The following TAFA1 variants were observed in gnomAD, a reference collection of about 807,000 sequenced individuals.
The protein encoded by TAFA1 is TAFA chemokine like family member 1, also known as chemokine-like protein TAFA-1.
In TAFA1, 4 loss-of-function variants were observed where a neutral mutation model predicts 18.5. That is an observed-to-expected ratio of 0.22 (90% CI 0.11 to 0.49). The LOEUF is 0.49. TAFA1 is among the 20% of genes least tolerant of loss of function. TAFA1 has a pLI of 0.98. For synonymous variants in TAFA1, 56 were observed against 55.2 expected (o/e 1.01, Z -0.06); for missense variants, 147 against 169.0 (o/e 0.87, Z 0.72).
At chr3:68,499,446 C>CTTTTTTTTTTTTTTTT (rs752597708) in intron 3 of TAFA1, among the ~76,000 whole-genome samples, 1 of 112,176 alleles carries the variant, frequency 8.9e-6, no homozygotes, top group Non-Finnish European at 1.9e-5. Context: ...GTGTTCCTTT[C>CTTTTTTTTTTTTTTTT]TTTTTTTTTT....
chr3:68,189,028 T>C (rs1481681860), intron 2 of TAFA1, among the ~76,000 whole-genome samples: 2 of 151,900 alleles, frequency 1.3e-5, no homozygotes, highest in African/African-American at 4.8e-5. Flanking sequence ...CTAACGATTA[T>C]GTTCTCAGGG....
intron 3 of TAFA1, among the ~76,000 whole-genome samples, chr3:68,452,437 C>A (rs1482551558): frequency 6.6e-6 from 1 of 150,440 alleles, no homozygotes; most frequent in Admixed American, 6.7e-5. Flanking sequence ...ACAGGAGAAT[C>A]GCGCAAACCC....
At chr3:68,048,390 T>C (rs1171214990) in intron 2 of TAFA1, among the ~76,000 whole-genome samples, 3 of 152,136 alleles carry the variant, frequency 2.0e-5, no homozygotes, top group African/African-American at 2.4e-5. Flanking sequence ...ATACAATGCA[T>C]AATAATCACA....
In TAFA1 at chr3:68,453,630, G is replaced by T. The variant is rs369481671; in HGVS notation, c.259+36210G>T. On this transcript the variant is annotated intron_variant, in intron 3 of 4. Coordinates refer to ENST00000478136, the MANE Select transcript of TAFA1 (RefSeq NM_213609.4). The stretch of plus-strand genomic sequence containing the variant: ...AGAAAATGTACAGCTAGGCCATTTG[G>T]CAATGGGCAACAGATTCTGTGTAAG... Among the ~76,000 whole-genome samples, 13 of 152,258 alleles carry T rather than the reference G, an allele frequency of 8.5e-5. 1 individual carries two copies. The highest frequency in any genetic ancestry group is 3.1e-4 in the African/African-American group (13 of 41,546).
chr3:68,197,832 T>A, intron 2 of TAFA1, among the ~76,000 whole-genome samples: 1 of 151,760 alleles, frequency 6.6e-6, no homozygotes, highest in East Asian at 1.9e-4. Flanking sequence ...TAGTGTTATT[T>A]GTCACTCTGC....
intron 3 of TAFA1, among the ~76,000 whole-genome samples, chr3:68,432,207 G>C (rs1042375774): frequency 1.3e-5 from 2 of 151,888 alleles, no homozygotes; most frequent in African/African-American, 4.8e-5. Context: ...AAGCTGGGAA[G>C]GACAACAGGA....
intron 1 of TAFA1, among the ~76,000 whole-genome samples, chr3:68,004,993 C>T (rs922805896): frequency 2.0e-5 from 3 of 151,798 alleles, no homozygotes; most frequent in African/African-American, 7.3e-5. Context: ...CAAGAGAAAG[C>T]AGTCATTGAA....
intron 2 of TAFA1, among the ~76,000 whole-genome samples, chr3:68,101,817 T>C (rs2065150911): frequency 6.6e-6 from 1 of 152,106 alleles, no homozygotes; most frequent in African/African-American, 2.4e-5. Flanking sequence ...ATTCCTCCTA[T>C]ATCCAAGCAG....
chr3:68,372,225 A>G (rs1057428036), intron 2 of TAFA1, among the ~76,000 whole-genome samples: 6 of 152,240 alleles, frequency 3.9e-5, no homozygotes, highest in African/African-American at 9.6e-5. Context: ...TTGAAATACA[A>G]TAAGGACAGT....
intron 2 of TAFA1, among the ~76,000 whole-genome samples, chr3:68,370,780 G>GTTTTTTTTTTTTT (rs34524243): frequency 8.2e-6 from 1 of 122,140 alleles, no homozygotes; most frequent in African/African-American, 3.1e-5. Context: ...TGTTTTCGTT[G>GTTTTTTTTTTTTT]TTTTTTTTTT....
intron 2 of TAFA1, among the ~76,000 whole-genome samples, chr3:68,172,478 GA>G (rs1559546667): frequency 6.6e-6 from 1 of 152,126 alleles, no homozygotes; most frequent in African/African-American, 2.4e-5. Context: ...AAACTTTAGA[GA>G]ACAGTTAAGT....
chr3:68,239,640 T>A (rs1294741698), intron 2 of TAFA1, among the ~76,000 whole-genome samples: 1 of 152,170 alleles, frequency 6.6e-6, no homozygotes, highest in Non-Finnish European at 1.5e-5. Flanking sequence ...ATAGATGATT[T>A]TAAGTAGTGC....
chr3:68,439,187 C>T (rs1441134169), intron 3 of TAFA1, among the ~76,000 whole-genome samples: 1 of 151,890 alleles, frequency 6.6e-6, no homozygotes, highest in Non-Finnish European at 1.5e-5. Flanking sequence ...TTTTCCAAAT[C>T]TTTCTACTCT....
At chr3:68,185,158 G>C (rs1223721663) in intron 2 of TAFA1, among the ~76,000 whole-genome samples, 2 of 152,126 alleles carry the variant, frequency 1.3e-5, no homozygotes, top group African/African-American at 4.8e-5. Context: ...CCGCATGGGA[G>C]ACAGCAAGAA....
rs115234451 is a variant in TAFA1 at position 68,387,395 on chromosome 3, G to T, written c.119-29885G>T. ...CTCTCCTTAAGGTCATTGATTAAAC[G>T]TAATGTTCGTGGAGCCTAGGGTATT... On this transcript the variant is annotated intron_variant, in intron 2 of 4. Coordinates refer to ENST00000478136, the MANE Select transcript of TAFA1 (RefSeq NM_213609.4). Among the ~76,000 whole-genome samples, 1,220 of 152,176 alleles carry T rather than the reference G, an allele frequency of 8.0e-3. 14 individuals are homozygous for T. Among genetic ancestry groups the T allele is most frequent in the African/African-American group, 0.028 (1,149 of 41,528 alleles).
At chr3:68,379,772 T>C (rs2069896839) in intron 2 of TAFA1, among the ~76,000 whole-genome samples, 1 of 151,838 alleles carries the variant, frequency 6.6e-6, no homozygotes, top group Non-Finnish European at 1.5e-5. Flanking sequence ...TTTTAAATTT[T>C]ATTATTATTA....
At chr3:68,172,325 G>A (rs1476834585) in intron 2 of TAFA1, among the ~76,000 whole-genome samples, 2 of 152,062 alleles carry the variant, frequency 1.3e-5, no homozygotes, top group East Asian at 3.9e-4. Context: ...TTAGGGAAAG[G>A]CAAATCAAAA....
intron 3 of TAFA1, among the ~76,000 whole-genome samples, chr3:68,480,644 T>C (rs2072216388): frequency 6.6e-6 from 1 of 152,218 alleles, no homozygotes. Flanking sequence ...TTTTAGATTA[T>C]AAACTCTTTG....
intron 2 of TAFA1, among the ~76,000 whole-genome samples, chr3:68,301,125 G>T (rs1282042048): frequency 6.6e-6 from 1 of 152,088 alleles, no homozygotes; most frequent in African/African-American, 2.4e-5. Context: ...AATATTTAAT[G>T]AAACATTTCA....
Sources: gnomAD v4.1 joint callset for allele counts (sites outside exome capture counted in the v4.1 genomes callset) on GRCh38, gnomAD v4.1.1 for gene constraint, MANE v1.5 for transcripts, NCBI Gene and HGNC (gene_info 2026-07-23, HGNC 2026-07-21) for gene names.